Variants in HPS1 observed in about 807,000 individuals in gnomAD.
HPS1 encodes BLOC-3 complex member HPS1.
In HPS1, 59 loss-of-function variants were observed where a neutral mutation model predicts 90.6. That is an observed-to-expected ratio of 0.65 (90% CI 0.53 to 0.81). The LOEUF (loss-of-function observed/expected upper bound fraction) is 0.81. Among genes scored for constraint, HPS1 ranks in the 30% least tolerant of loss-of-function variants. The pLI, the probability that HPS1 is intolerant of heterozygous loss-of-function variation, is 0.00. For synonymous variants in HPS1, 388 were observed against 384.4 expected (o/e 1.01, Z -0.11); for missense variants, 849 against 896.7 (o/e 0.95, Z 0.68).
intron 18 of HPS1, among the ~76,000 whole-genome samples, chr10:98,418,527 G>A (rs1442841928): frequency 6.6e-6 from 1 of 152,202 alleles, no homozygotes; most frequent in Non-Finnish European, 1.5e-5. Context: ...ACACGCTCAG[G>A]AGGGCACCCT....
rs188947993 is a variant in HPS1, at chr10:98,438,459, T to G, written c.118-2687A>C. ...ACTGGAACAAAGGTGACTCTTGTTA[T>G]GCTTTAGCAAAGAGACCGGCAGCAT... On this transcript the variant is annotated intron_variant, in intron 3 of 19. Transcript: ENST00000361490. Among the ~76,000 whole-genome samples, 19 of 152,362 alleles carry G rather than the reference T, an allele frequency of 1.2e-4. No homozygotes were observed. In the East Asian group the frequency reaches 3.3e-3, roughly 26 times the overall value.
chr10:98,431,204 G>A lies in HPS1; in HGVS notation c.595C>T (p.Pro199Ser). Residue 199 changes from proline (P) to serine (S), a missense_variant, in exon 7 of 20, where the codon CCC (proline) becomes TCC (serine). Transcript: ENST00000361490. ...RHVIQAVNTS[P>S]ERGGEEALHA... ...AGGGCCTCCTCGCCTCCCCGCTCGG[G>A]GCTGGTGTTGACAGCCTGGATGACG... The A allele has an allele frequency of 1.9e-6, 3 of 1,614,124 alleles. No individual in the cohort carries two copies. Among genetic ancestry groups the A allele is most frequent in the Non-Finnish European group, 2.5e-6 (3 of 1,180,034 alleles).
chr10:98,434,683 CA>C (rs527704265), intron 5 of HPS1, among the ~76,000 whole-genome samples: 152 of 152,094 alleles, frequency 1.0e-3, no homozygotes, highest in South Asian at 1.9e-3. Flanking sequence ...CTTAGAGAAT[CA>C]GGGGGTGGTG....
At chr10:98,414,980 C>T, downstream of HPS1, 1 of 1,609,664 alleles carries the variant, frequency 6.2e-7, no homozygotes, top group Non-Finnish European at 8.5e-7. Flanking sequence ...CGCCCCTCAG[C>T]TCTGGCCCGG....
intron 11 of HPS1, 73 bp from the exon 12 acceptor site, chr10:98,426,058 G>T: frequency 7.7e-7 from 1 of 1,297,600 alleles, no homozygotes; most frequent in Non-Finnish European, 1.1e-6. Context: ...CCCTATCTGT[G>T]AACCACAAGA....
chr10:98,439,282 T>C (rs1937978841), intron 3 of HPS1, among the ~76,000 whole-genome samples: 2 of 152,016 alleles, frequency 1.3e-5, no homozygotes, highest in South Asian at 4.2e-4. Context: ...CCCAGAATGG[T>C]AGATCCACCG....
chr10:98,437,963 A>G (rs1279553442), intron 3 of HPS1, among the ~76,000 whole-genome samples: 1 of 152,176 alleles, frequency 6.6e-6, no homozygotes, highest in Non-Finnish European at 1.5e-5. Flanking sequence ...AGTCCTCACC[A>G]GATCTGATGG....
chr10:98,438,023 T>C (rs1246980389), intron 3 of HPS1, among the ~76,000 whole-genome samples: 1 of 152,208 alleles, frequency 6.6e-6, no homozygotes, highest in African/African-American at 2.4e-5. Flanking sequence ...TCCTGCTGCC[T>C]TGCGAAGAAG....
At chr10:98,422,230 T>C (rs1413835875) in intron 17 of HPS1, 139 bp downstream of exon 17, 1 of 855,192 alleles carries the variant, frequency 1.2e-6, no homozygotes, top group African/African-American at 1.6e-5. Flanking sequence ...AGCATTTATT[T>C]ATGCCGGCAC....
Position 98,420,125 on chromosome 10 carries a change from G to A in HPS1, c.1777C>T (p.Leu593=). The change falls in exon 18 of 20, where the codon CTG becomes TTG. Residue 593 remains leucine, a synonymous_variant. Coordinates refer to ENST00000361490, the MANE Select transcript of HPS1 (RefSeq NM_000195.5). ...AGCAGCGTGGTGTAGCCCTTCTGCA[G>A]GTATCTGCGCGCCAGCTGGATCAGA... ...WSLIQLARRY[L]QKGYTTLLFQ... The A allele has an allele frequency of 6.2e-7, 1 of 1,613,960 alleles. No homozygotes were observed. Among genetic ancestry groups the A allele is most frequent in the Non-Finnish European group, 8.5e-7 (1 of 1,179,842 alleles).
At chr10:98,415,067 ATCTCG>A (rs757151516), downstream of HPS1, 110 of 1,613,858 alleles carry the variant, frequency 6.8e-5, no homozygotes, top group Non-Finnish European at 8.4e-5. Context: ...CTTCCGTGTT[ATCTCG>A]TCTCCACGCC....
In HPS1 at chr10:98,423,846, G is replaced by A; in HGVS notation, c.1439C>T (p.Ala480Val). 2 of 1,613,856 alleles carry A rather than the reference G, an allele frequency of 1.2e-6. No individual in the cohort carries two copies. Among genetic ancestry groups the A allele is most frequent in the Non-Finnish European group, 1.7e-6 (2 of 1,180,032 alleles). The part of the protein sequence containing the change: ...ACGKLKRQLC[A>V]IYRLNFLTTA... ...GGTCAGAAAGTTCAGCCGGTAGATG[G>A]CGCAGAGCTGCCGCTTCAGCTTCCC... The change falls in exon 15 of 20, where the codon GCC (alanine) becomes GTC (valine). Residue 480 changes from alanine to valine, a missense_variant. Physicochemically the swap from Ala to Val is moderately conservative, Grantham distance 64. Coordinates refer to ENST00000361490, the MANE Select transcript of HPS1 (RefSeq NM_000195.5).
chr10:98,419,554 G>A (rs1844582125), intron 18 of HPS1, among the ~76,000 whole-genome samples: 1 of 152,100 alleles, frequency 6.6e-6, no homozygotes, highest in African/African-American at 2.4e-5. Flanking sequence ...TAACAGTGAG[G>A]CCCAGAAGAA....
At position 98,417,575 on chromosome 10, in the gene HPS1, GGATACGGGA is replaced by G; in HGVS notation, c.2083_2091del (p.Ser695_Ile697del). The G allele has an allele frequency of 1.2e-6, 2 of 1,611,186 alleles. No homozygotes were observed. Among genetic ancestry groups the G allele is most frequent in the Admixed American group, 1.7e-5 (1 of 59,906 alleles). ...GCGGCCACCTTGGCCTAGAGCAGGGGGATACGGGAGGCCTCCCAGAGGCGCCGGGCCAGC... is the reference window on the plus strand; with the variant it reads ...GCGGCCACCTTGGCCTAGAGCAGGGGGGCCTCCCAGAGGCGCCGGGCCAGC... On this transcript the variant is annotated inframe_deletion, in exon 20 of 20. Transcript: ENST00000361490. This position sits in a 1 kb window ranked among gnomAD's most constrained non-coding sequence, Gnocchi z 4.2.
At chr10:98,420,672 T>G (rs1172167785) in intron 17 of HPS1, among the ~76,000 whole-genome samples, 1 of 152,058 alleles carries the variant, frequency 6.6e-6, no homozygotes, top group East Asian at 1.9e-4. Flanking sequence ...GCTGTGCTTG[T>G]GCCGCTGCAC....
chr10:98,430,603 G>A lies in HPS1; in HGVS notation c.736C>T (p.Pro246Ser), dbSNP rs1025102526. The A allele has an allele frequency of 1.3e-6, 2 of 1,555,652 alleles. No individual in the cohort carries two copies. The highest frequency in any genetic ancestry group is 1.2e-5 in the South Asian group (1 of 84,260). ...ALILLVQDLY[P>S]SESTAEDDIQ... Reference sequence around the variant, plus strand: ...TCGTCCTCTGCTGTGCTCTCGCTGGGGTAGAGGTCCTGAACCAGGAGGATG... The same window carrying A: ...TCGTCCTCTGCTGTGCTCTCGCTGGAGTAGAGGTCCTGAACCAGGAGGATG... The change falls in exon 8 of 20, where the codon CCC (proline) becomes TCC (serine). Residue 246 changes from proline (P) to serine (S), a missense_variant. Coordinates refer to ENST00000361490, the MANE Select transcript of HPS1 (RefSeq NM_000195.5).
At chr10:98,422,871 C>T (rs1322958591) in intron 16 of HPS1, among the ~76,000 whole-genome samples, 2 of 152,198 alleles carry the variant, frequency 1.3e-5, no homozygotes, top group Non-Finnish European at 2.9e-5. Context: ...TAGCTGACTG[C>T]CCAGCCTATG....
downstream of HPS1, chr10:98,414,928 C>T (rs994692089): frequency 3.9e-6 from 6 of 1,531,520 alleles, no homozygotes; most frequent in Non-Finnish European, 5.3e-6. Flanking sequence ...GGCTTGGCTC[C>T]CCCTCCCCCT....
chr10:98,424,023 GT>G, intron 14 of HPS1, 136 bp from the exon 15 acceptor site: 1 of 1,194,584 alleles, frequency 8.4e-7, no homozygotes, highest in Admixed American at 1.9e-5. Flanking sequence ...CCCCACTCTT[GT>G]ACCCAGGACA....
Sources: allele counts gnomAD v4.1 joint callset (sites outside exome capture counted in the v4.1 genomes callset), GRCh38; gene constraint gnomAD v4.1.1; non-coding constraint Gnocchi (gnomAD v3.1); transcripts MANE v1.5; gene names NCBI Gene and HGNC (gene_info 2026-07-23, HGNC 2026-07-21).